SOX5: variants seen among roughly 807,000 people sequenced by gnomAD.
The protein encoded by SOX5 is transcription factor SOX-5.
SOX5 carries 9 observed loss-of-function variants against 92.0 expected under a neutral mutation model. The observed-to-expected ratio is 0.10, with a 90% CI of 0.06 to 0.17. The LOEUF (loss-of-function observed/expected upper bound fraction) is 0.17, where lower values mean the gene tolerates loss of function less well. SOX5 is among the 10% of genes least tolerant of loss of function. SOX5 has a pLI of 1.00. For missense variants in SOX5, 642 were observed against 944.5 expected (o/e 0.68, Z 4.20); for synonymous variants, 344 against 336.3 (o/e 1.02, Z -0.25).
intron 9 of SOX5, among the ~76,000 whole-genome samples, chr12:23,601,947 A>G (rs2074554601): frequency 6.6e-6 from 1 of 152,166 alleles, no homozygotes; most frequent in Non-Finnish European, 1.5e-5. Flanking sequence ...TTTTTATTAA[A>G]TCGTTGTTAC....
chr12:23,926,096 T>C (rs182749180), intron 1 of SOX5, among the ~76,000 whole-genome samples: 32 of 152,232 alleles, frequency 2.1e-4, no homozygotes, highest in Admixed American at 6.5e-4. Flanking sequence ...GGTATTTTAA[T>C]TGCTAACTGG....
intron 1 of SOX5, among the ~76,000 whole-genome samples, chr12:24,517,419 C>A (rs1425192687): frequency 6.6e-6 from 1 of 151,986 alleles, no homozygotes; most frequent in Non-Finnish European, 1.5e-5. Context: ...GTGAAAATGG[C>A]AGTTACAAGA....
At position 23,531,334 on chromosome 12, in the gene SOX5, C is replaced by T. The variant is rs1427122012; in HGVS notation, c.*2885G>A. 1.3e-5 allele frequency: 2 copies of T among 151,934 alleles called. No homozygotes were observed. Among genetic ancestry groups the T allele is most frequent in the Non-Finnish European group, 2.9e-5 (2 of 67,976 alleles). The allele number at this position is 151,934 out of a possible 1,614,324, so 9.4% of individuals were successfully genotyped here. A position where few individuals can be genotyped will look rare whatever the true frequency, so the allele number is the denominator to read the frequency against. On this transcript the variant is annotated 3_prime_UTR_variant, in exon 15 of 15. Transcript: ENST00000451604. ...AGTCACCATTAACAATTTTGTTTTC[C>T]CCTTCAAATAAAACAAAATATAACA...
chr12:24,323,579 T>A (rs1394268672), intron 2 of SOX5, among the ~76,000 whole-genome samples: 2 of 152,080 alleles, frequency 1.3e-5, no homozygotes, highest in Admixed American at 1.3e-4. Context: ...TAATTAAAAA[T>A]CACTGCTATC....
intron 1 of SOX5, among the ~76,000 whole-genome samples, chr12:23,930,013 C>G (rs1183899583): frequency 6.6e-6 from 1 of 151,846 alleles, no homozygotes; most frequent in Admixed American, 6.6e-5. Flanking sequence ...TCTGACCACA[C>G]AACATCTTTT....
intron 4 of SOX5, among the ~76,000 whole-genome samples, chr12:23,743,485 T>C (rs1287629873): frequency 2.0e-5 from 3 of 152,052 alleles, no homozygotes; most frequent in African/African-American, 7.2e-5. Flanking sequence ...AATTTTTTTA[T>C]ATTTTTAGTA....
At chr12:23,977,703 G>C (rs1949071836) in intron 4 of SOX5, among the ~76,000 whole-genome samples, 2 of 149,020 alleles carry the variant, frequency 1.3e-5, no homozygotes, top group African/African-American at 4.9e-5. Context: ...AAAGGAGATT[G>C]AAAGTGTTGG....
intron 2 of SOX5, among the ~76,000 whole-genome samples, chr12:24,315,171 T>G (rs1279169448): frequency 6.6e-6 from 1 of 152,214 alleles, no homozygotes; most frequent in African/African-American, 2.4e-5. Context: ...TTTTTCAATC[T>G]TTCTTTTATT....
chr12:23,688,481 G>A (rs4963711), intron 6 of SOX5, among the ~76,000 whole-genome samples: 52,144 of 151,858 alleles, frequency 0.34, 9,053 homozygotes, highest in Non-Finnish European at 0.38. Context: ...TCACCTGACT[G>A]CATAGCAATA....
At chr12:24,154,100 C>T (rs528329770) in intron 4 of SOX5, among the ~76,000 whole-genome samples, 7 of 152,246 alleles carry the variant, frequency 4.6e-5, no homozygotes, top group African/African-American at 1.7e-4. Flanking sequence ...TTATGAGATT[C>T]TTCTTCCTCT....
chr12:24,414,257 G>A (rs1964625222), intron 1 of SOX5, among the ~76,000 whole-genome samples: 1 of 152,056 alleles, frequency 6.6e-6, no homozygotes, highest in African/African-American at 2.4e-5. Context: ...TCTATAATGA[G>A]ATCTTCCTAT....
At chr12:23,736,982 A>C (rs923799510) in intron 5 of SOX5, among the ~76,000 whole-genome samples, 12 of 150,910 alleles carry the variant, frequency 8.0e-5, no homozygotes, top group African/African-American at 2.9e-4. Flanking sequence ...CGTGAGCCAC[A>C]GTGCCCGACC....
chr12:23,660,360 T>A lies in SOX5; in HGVS notation c.931+5084A>T, dbSNP rs545873817. ...ATTCCGTAAAATGGATCATGGATCT[T>A]ATTACACCATTGTGTAGATAAGGAA... On this transcript the variant is annotated intron_variant, in intron 7 of 14. Coordinates refer to ENST00000451604, the MANE Select transcript of SOX5 (RefSeq NM_006940.6). 2.4e-4 allele frequency among the ~76,000 whole-genome samples: 36 copies of A among 151,596 alleles called. 1 individual carries two copies. In the South Asian group the frequency reaches 7.5e-3, roughly 32 times the overall value.
intron 1 of SOX5, among the ~76,000 whole-genome samples, chr12:24,540,999 T>C (rs1239822790): frequency 6.6e-6 from 1 of 152,156 alleles, no homozygotes; most frequent in Admixed American, 6.6e-5. Flanking sequence ...TCAAAAAATA[T>C]GGCATGCAAT....
chr12:23,719,126 T>C (rs2092672782), intron 6 of SOX5, among the ~76,000 whole-genome samples: 1 of 152,200 alleles, frequency 6.6e-6, no homozygotes, highest in African/African-American at 2.4e-5. Context: ...TTCAATATTT[T>C]TTAATTTTTT....
chr12:24,440,139 G>A (rs780041583), intron 1 of SOX5, among the ~76,000 whole-genome samples: 1 of 152,232 alleles, frequency 6.6e-6, no homozygotes, highest in East Asian at 1.9e-4. Context: ...TCCTTGGCTG[G>A]GACTTATGTC....
At chr12:23,607,015 G>A (rs761645443) in intron 8 of SOX5, among the ~76,000 whole-genome samples, 3 of 152,114 alleles carry the variant, frequency 2.0e-5, no homozygotes, top group Non-Finnish European at 2.9e-5. Flanking sequence ...TATTCAGTTC[G>A]AGGATGGCTA....
intron 6 of SOX5, among the ~76,000 whole-genome samples, chr12:23,726,473 C>T (rs1388860074): frequency 6.6e-6 from 1 of 152,114 alleles, no homozygotes; most frequent in Non-Finnish European, 1.5e-5. Context: ...TATTTTACCA[C>T]ACTATTGTGT....
chr12:23,782,874 G>T (rs907817763), intron 3 of SOX5, among the ~76,000 whole-genome samples: 7 of 151,928 alleles, frequency 4.6e-5, no homozygotes, highest in Admixed American at 1.3e-4. Flanking sequence ...ATGAATTTTT[G>T]TGTGTGTGTG....
Sources: allele counts gnomAD v4.1 joint callset (sites outside exome capture counted in the v4.1 genomes callset), GRCh38; gene constraint gnomAD v4.1.1; transcripts MANE v1.5; gene names NCBI Gene and HGNC (gene_info 2026-07-23, HGNC 2026-07-21).